The following GNB4 variants were observed in gnomAD, a reference collection of about 807,000 sequenced individuals.
GNB4 encodes guanine nucleotide-binding protein subunit beta-4.
GNB4 carries 28 observed loss-of-function variants against 45.2 expected under a neutral mutation model. That is an observed-to-expected ratio of 0.62 (90% CI 0.46 to 0.85). The LOEUF (loss-of-function observed/expected upper bound fraction) is 0.85, where lower values mean the gene tolerates loss of function less well. Among genes scored for constraint, GNB4 ranks in the 40% least tolerant of loss-of-function variants. The pLI is 0.00. For synonymous variants in GNB4, 132 were observed against 143.7 expected, an observed-to-expected ratio of 0.92 and a Z score of 0.58; for missense variants, 321 against 425.4, an observed-to-expected ratio of 0.75 and a Z score of 2.16.
At chr3:179,461,181 T>A in the GNB4 span, among the ~76,000 whole-genome samples, 2 of 152,198 alleles carry the variant, frequency 1.3e-5, no homozygotes, top group African/African-American at 4.8e-5. Context: ...CGACTGGACA[T>A]GGCAACTGCC....
the GNB4 span, among the ~76,000 whole-genome samples, chr3:179,475,976 A>G: frequency 4.6e-5 from 7 of 152,232 alleles, no homozygotes; most frequent in Non-Finnish European, 8.8e-5. Flanking sequence ...CAAAACTCAT[A>G]CAATATACCT....
the GNB4 span, among the ~76,000 whole-genome samples, chr3:179,513,562 C>T: frequency 4.6e-5 from 7 of 151,876 alleles, no homozygotes; most frequent in Admixed American, 3.9e-4. Flanking sequence ...TTCTATAAAC[C>T]TTATAATTAT....
At chr3:179,515,746 TG>T in the GNB4 span, among the ~76,000 whole-genome samples, 3 of 152,076 alleles carry the variant, frequency 2.0e-5, no homozygotes, top group Middle Eastern at 3.2e-3. Context: ...GTTGAAGTGT[TG>T]GGGCAGCAAA....
chr3:179,417,739 G>C (rs952263289), intron 4 of GNB4, among the ~76,000 whole-genome samples: 1 of 152,162 alleles, frequency 6.6e-6, no homozygotes, highest in Non-Finnish European at 1.5e-5. Flanking sequence ...AAATAAAAAA[G>C]GATATACAGA....
chr3:179,452,100 G>T (rs1457639824), upstream of GNB4, among the ~76,000 whole-genome samples: 2 of 152,084 alleles, frequency 1.3e-5, no homozygotes, highest in Admixed American at 1.3e-4. Context: ...CCAAATAAAT[G>T]GCCAATACTT....
chr3:179,431,448 T>G (rs1023499135), intron 1 of GNB4, among the ~76,000 whole-genome samples: 1 of 151,372 alleles, frequency 6.6e-6, no homozygotes, highest in Admixed American at 6.6e-5. Context: ...AATCTCAGCT[T>G]CTCGGGAAAT....
chr3:179,509,719 C>G, the GNB4 span, among the ~76,000 whole-genome samples: 1 of 150,992 alleles, frequency 6.6e-6, no homozygotes, highest in Non-Finnish European at 1.5e-5. Flanking sequence ...TATATTAAGA[C>G]TATCAAGCCT....
chr3:179,496,301 AAAGCCTATAGTAGAT>A, the GNB4 span, among the ~76,000 whole-genome samples: 3 of 152,174 alleles, frequency 2.0e-5, no homozygotes, highest in Non-Finnish European at 4.4e-5. Flanking sequence ...CAATAAAGCA[AAAGCCTATAGTAGAT>A]ACCTAAGACA....
chr3:179,468,035 A>AAAAAAAAAAAT, the GNB4 span, among the ~76,000 whole-genome samples: 1 of 89,856 alleles, frequency 1.1e-5, no homozygotes, highest in Non-Finnish European at 2.4e-5. Context: ...TGTTGATAAA[A>AAAAAAAAAAAT]ATATATATAT....
At chr3:179,415,844 TA>T (rs1714784664) in intron 5 of GNB4, among the ~76,000 whole-genome samples, 1 of 152,232 alleles carries the variant, frequency 6.6e-6, no homozygotes. Context: ...TAGCTAGCTT[TA>T]AAATCTCAAT....
the GNB4 span, among the ~76,000 whole-genome samples, chr3:179,498,753 T>TG: frequency 0.021 from 3,011 of 145,046 alleles, 64 homozygotes; most frequent in South Asian, 0.08. Flanking sequence ...GGTTTGGTTT[T>TG]TTTTTTTTTT....
At chr3:179,415,074 CA>C in intron 5 of GNB4, 27 bp from the exon 6 acceptor site, 1 of 1,513,420 alleles carries the variant, frequency 6.6e-7, no homozygotes. Context: ...ACACATCACT[CA>C]GATTACAAAA....
chr3:179,500,845 A>G, the GNB4 span, among the ~76,000 whole-genome samples: 1 of 152,142 alleles, frequency 6.6e-6, no homozygotes, highest in Non-Finnish European at 1.5e-5. Flanking sequence ...CTTTGTAGCA[A>G]TTGTGAATGG....
the GNB4 span, among the ~76,000 whole-genome samples, chr3:179,521,784 CT>C: frequency 6.6e-6 from 1 of 152,090 alleles, no homozygotes; most frequent in African/African-American, 2.4e-5. Context: ...ACCTGTTTTT[CT>C]CTTTGTCTCA....
chr3:179,521,080 A>C, the GNB4 span, among the ~76,000 whole-genome samples: 2 of 152,126 alleles, frequency 1.3e-5, no homozygotes, highest in African/African-American at 4.8e-5. Flanking sequence ...GGACTGGCAA[A>C]TTGATATTAC....
the GNB4 span, among the ~76,000 whole-genome samples, chr3:179,526,258 T>C: frequency 6.6e-6 from 1 of 152,172 alleles, no homozygotes; most frequent in Non-Finnish European, 1.5e-5. Flanking sequence ...TCCACTTCTT[T>C]TGTGATTCTT....
At chr3:179,441,353 G>A (rs757504233) in intron 1 of GNB4, among the ~76,000 whole-genome samples, 2 of 152,130 alleles carry the variant, frequency 1.3e-5, no homozygotes, top group Non-Finnish European at 2.9e-5. Flanking sequence ...CTACTAACCC[G>A]TACTGCATAC....
intron 4 of GNB4, among the ~76,000 whole-genome samples, chr3:179,417,095 C>T (rs1487664179): frequency 6.6e-6 from 1 of 151,982 alleles, no homozygotes; most frequent in Non-Finnish European, 1.5e-5. Context: ...AAAATAAATG[C>T]CACAGGAGAG....
At chr3:179,404,874 T>C (rs1309769843) in intron 9 of GNB4, among the ~76,000 whole-genome samples, 2 of 152,146 alleles carry the variant, frequency 1.3e-5, no homozygotes, top group African/African-American at 2.4e-5. Flanking sequence ...AGTTACAATG[T>C]TTCCTGTCAG....
Sources: allele counts gnomAD v4.1 joint callset (sites outside exome capture counted in the v4.1 genomes callset), GRCh38; gene constraint gnomAD v4.1.1; transcripts MANE v1.5; gene names NCBI Gene and HGNC (gene_info 2026-07-23, HGNC 2026-07-21).